The following DNAJC13 variants were observed in gnomAD, a reference collection of about 807,000 sequenced individuals.
DNAJC13 encodes the protein DnaJ heat shock protein family (Hsp40) member C13, also known as dnaJ homolog subfamily C member 13.
Under a neutral mutation model 290.5 loss-of-function variants are expected in DNAJC13, and 75 were observed. The ratio of observed to expected loss-of-function variants is 0.26; its 90% CI spans 0.21 to 0.31. The LOEUF is 0.31. DNAJC13 is among the 10% of genes least tolerant of loss of function. The pLI is 1.00. For missense variants in DNAJC13, 2,260 were observed against 2,674.5 expected, an observed-to-expected ratio of 0.85 and a Z score of 3.42; for synonymous variants, 862 against 892.0, an observed-to-expected ratio of 0.97 and a Z score of 0.60.
Position 132,447,449 on chromosome 3 carries a change from A to T in DNAJC13, c.273A>T (p.Thr91=). The change falls in exon 4 of 56, where the codon ACA becomes ACT. Residue 91 remains threonine (T), a synonymous_variant. Coordinates refer to ENST00000260818, the MANE Select transcript of DNAJC13 (RefSeq NM_015268.4). ...TAAAATTTTCTACAGAGCACAGAACAGAACTTCTTACAGAAGCATTGGTAA... is the reference window on the plus strand; with the variant it reads ...TAAAATTTTCTACAGAGCACAGAACTGAACTTCTTACAGAAGCATTGGTAA... ...ETLKFSTEHR[T]ELLTEALRFR... 6.3e-7 allele frequency: 1 copy of T among 1,581,646 alleles called. No homozygotes were observed. The highest frequency in any genetic ancestry group is 8.5e-7 in the Non-Finnish European group (1 of 1,170,372).
chr3:132,437,358 A>G (rs1188975718), intron 2 of DNAJC13, among the ~76,000 whole-genome samples: 1 of 152,212 alleles, frequency 6.6e-6, no homozygotes, highest in Non-Finnish European at 1.5e-5. Context: ...ATGAAATCCA[A>G]TTTATCAATT....
chr3:132,523,242 A>G (rs1215224690), intron 50 of DNAJC13, 43 bp downstream of exon 50: 1 of 1,605,186 alleles, frequency 6.2e-7, no homozygotes, highest in Non-Finnish European at 8.5e-7. Context: ...CTGTTGATTT[A>G]GTTGTTTTCA....
intron 55 of DNAJC13, among the ~76,000 whole-genome samples, chr3:132,536,312 G>A (rs1337047519): frequency 6.6e-6 from 1 of 152,136 alleles, no homozygotes; most frequent in African/African-American, 2.4e-5. Flanking sequence ...GATCACTTGA[G>A]CCTAGGAGTT....
intron 2 of DNAJC13, among the ~76,000 whole-genome samples, chr3:132,441,582 G>A (rs1000217202): frequency 2.0e-5 from 3 of 152,102 alleles, no homozygotes; most frequent in African/African-American, 4.8e-5. Flanking sequence ...ATTTTCCGAC[G>A]TCAAGAATTT....
chr3:132,427,362 C>T lies in DNAJC13; in HGVS notation c.-13-7176C>T, dbSNP rs572445083. The stretch of plus-strand genomic sequence containing the variant: ...ATGTTGCCTGGGCTGGTCTTGAACT[C>T]CTGGACTCAAGCGATCTGCCTGCAT... On this transcript the variant is annotated intron_variant, in intron 1 of 55. Transcript: ENST00000260818. Among the ~76,000 whole-genome samples the T allele has an allele frequency of 7.9e-5, 12 of 152,076 alleles. No individual in the cohort carries two copies. In the East Asian group the frequency reaches 2.3e-3, roughly 29 times the overall value.
intron 48 of DNAJC13, 127 bp from the exon 49 acceptor site, chr3:132,522,701 A>T: frequency 1.4e-6 from 1 of 734,938 alleles, no homozygotes; most frequent in Non-Finnish European, 2.1e-6. Context: ...ACTTTTAGGT[A>T]ATGGTTATGG....
intron 1 of DNAJC13, among the ~76,000 whole-genome samples, chr3:132,422,900 C>G (rs1213773423): frequency 6.6e-6 from 1 of 152,214 alleles, no homozygotes; most frequent in Non-Finnish European, 1.5e-5. Context: ...TAGAAGAACA[C>G]TGCCTAGTCA....
At chr3:132,443,647 CAT>C (rs1211299642) in intron 2 of DNAJC13, among the ~76,000 whole-genome samples, 3 of 152,114 alleles carry the variant, frequency 2.0e-5, no homozygotes, top group Non-Finnish European at 4.4e-5. Context: ...TCTTAAATGA[CAT>C]AGAAATATTT....
chr3:132,468,555 G>C (rs1232230364), intron 20 of DNAJC13, among the ~76,000 whole-genome samples: 1 of 152,124 alleles, frequency 6.6e-6, no homozygotes, highest in Non-Finnish European at 1.5e-5. Flanking sequence ...AGAGAATACT[G>C]AACTTTGAGT....
chr3:132,492,878 A>G (rs1047575321), intron 33 of DNAJC13, among the ~76,000 whole-genome samples: 13 of 151,808 alleles, frequency 8.6e-5, no homozygotes, highest in African/African-American at 3.2e-4. Context: ...TGCAGATAAC[A>G]TAATTATATA....
intron 28 of DNAJC13, chr3:132,484,322 T>G: frequency 2.0e-6 from 1 of 509,860 alleles, no homozygotes; most frequent in East Asian, 4.6e-5. Context: ...ACACCAAGTT[T>G]AATCAATTAA....
chr3:132,470,533 G>A (rs1313044127), intron 20 of DNAJC13, among the ~76,000 whole-genome samples: 978 of 116,842 alleles, frequency 8.4e-3, no homozygotes, highest in South Asian at 0.012. Context: ...TGGCCGGGCA[G>A]AGGGGCTCCT....
intron 54 of DNAJC13, 112 bp from the exon 55 acceptor site, chr3:132,530,886 G>T: frequency 1.2e-6 from 1 of 800,632 alleles, no homozygotes; most frequent in Non-Finnish European, 2.1e-6. Flanking sequence ...TCCATATTTG[G>T]GTCTTTCCTC....
At chr3:132,428,563 G>C (rs1209329681) in intron 1 of DNAJC13, among the ~76,000 whole-genome samples, 1 of 151,734 alleles carries the variant, frequency 6.6e-6, no homozygotes, top group Non-Finnish European at 1.5e-5. Flanking sequence ...TCCCACAGTA[G>C]CCTCCCAAAG....
At position 132,479,351 on chromosome 3, in the gene DNAJC13, T is replaced by G. The variant is rs1025655362; in HGVS notation, c.2772+62T>G. The G allele has an allele frequency of 5.1e-6, 6 of 1,187,838 alleles. No homozygotes were observed. In the African/African-American group the frequency reaches 7.5e-5, roughly 15 times the overall value. The allele number at this position is 1,187,838 out of a possible 1,614,324, so 73.6% of individuals were successfully genotyped here. On this transcript the variant is annotated intron_variant, in intron 25 of 55. Transcript: ENST00000260818. Reference sequence around the variant, plus strand: ...AGTCATATAAGTATGTAAGATAAACTCACAGTTTGAGTTGATTATCCAGGG... The same window carrying G: ...AGTCATATAAGTATGTAAGATAAACGCACAGTTTGAGTTGATTATCCAGGG...
intron 35 of DNAJC13, among the ~76,000 whole-genome samples, chr3:132,495,695 A>G (rs1215245032): frequency 6.6e-6 from 1 of 152,156 alleles, no homozygotes; most frequent in Non-Finnish European, 1.5e-5. Context: ...CTGATAGTCT[A>G]TTGCTAGAAA....
chr3:132,434,603 A>T lies in DNAJC13; in HGVS notation c.53A>T (p.His18Leu), dbSNP rs751869200. 2 of 1,607,710 alleles carry T rather than the reference A, an allele frequency of 1.2e-6. No homozygotes were observed. Among genetic ancestry groups the T allele is most frequent in the Non-Finnish European group, 1.7e-6 (2 of 1,177,940 alleles). The change falls in exon 2 of 56, where the codon CAT (histidine) becomes CTT (leucine). Residue 18 changes from histidine to leucine, a missense_variant. Coordinates refer to ENST00000260818, the MANE Select transcript of DNAJC13 (RefSeq NM_015268.4). The stretch of plus-strand genomic sequence containing the variant: ...CTGGCATGTTTCTACACAACAAAAC[A>T]TTCATGGAGGGGGAAGTAAGTATTC... ...KDLACFYTTK[H>L]SWRGKYKRVF...
chr3:132,420,533 A>G (rs1938924486), intron 1 of DNAJC13, among the ~76,000 whole-genome samples: 1 of 152,188 alleles, frequency 6.6e-6, no homozygotes, highest in South Asian at 2.1e-4. Context: ...TAATCAGAAC[A>G]TCAGACTGTA....
intron 46 of DNAJC13, chr3:132,514,902 C>T: frequency 6.9e-6 from 1 of 144,994 alleles, no homozygotes; most frequent in Non-Finnish European, 1.2e-5. Flanking sequence ...AGGAAAATAA[C>T]CTGGGATTTT....
Sources: allele counts gnomAD v4.1 joint callset (sites outside exome capture counted in the v4.1 genomes callset), GRCh38; gene constraint gnomAD v4.1.1; transcripts MANE v1.5; gene names NCBI Gene and HGNC (gene_info 2026-07-23, HGNC 2026-07-21).